FGD4: variants seen among roughly 807,000 people sequenced by gnomAD.
FGD4 encodes FYVE, RhoGEF and PH domain-containing protein 4.
A neutral mutation model predicts 102.0 loss-of-function variants in FGD4; 42 were observed. The ratio of observed to expected loss-of-function variants is 0.41; its 90% CI spans 0.32 to 0.53. FGD4 has a LOEUF of 0.53. Among genes scored for constraint, FGD4 ranks in the 20% least tolerant of loss-of-function variants. The probability of loss-of-function intolerance (pLI) is 0.21; values close to 1 mark genes in which losing one functional copy is unlikely to be tolerated. For synonymous variants in FGD4, 380 were observed against 375.7 expected, an observed-to-expected ratio of 1.01 and a Z score of -0.13; for missense variants, 902 against 1,078.2, an observed-to-expected ratio of 0.84 and a Z score of 2.29.
intron 1 of FGD4, among the ~76,000 whole-genome samples, chr12:32,508,937 C>G (rs543252014): frequency 6.6e-6 from 1 of 152,386 alleles, no homozygotes; most frequent in South Asian, 2.1e-4. Context: ...CTATCACACA[C>G]AGCTGTTTTC....
chr12:32,493,976 A>G (rs1937629219), intron 1 of FGD4, among the ~76,000 whole-genome samples: 1 of 152,224 alleles, frequency 6.6e-6, no homozygotes, highest in South Asian at 2.1e-4. Flanking sequence ...CTGGAAGAAA[A>G]TGTCTTAGGT....
intron 1 of FGD4, among the ~76,000 whole-genome samples, chr12:32,433,896 G>C (rs189934800): frequency 6.6e-6 from 1 of 150,994 alleles, no homozygotes; most frequent in African/African-American, 2.4e-5. Flanking sequence ...TTGCTCTGTC[G>C]CCAGGCTGGA....
intron 1 of FGD4, among the ~76,000 whole-genome samples, chr12:32,417,380 G>A (rs981751916): frequency 2.6e-5 from 4 of 151,828 alleles, no homozygotes; most frequent in African/African-American, 9.7e-5. Context: ...TTTTAAATAT[G>A]TCATGCCTGT....
chr12:32,590,201 A>T (rs529609200), intron 4 of FGD4, among the ~76,000 whole-genome samples: 5 of 150,694 alleles, frequency 3.3e-5, no homozygotes, highest in Non-Finnish European at 7.4e-5. Flanking sequence ...CCAGCTACTC[A>T]GTGGGTGCTG....
At chr12:32,578,282 A>C (rs1946296393) in intron 3 of FGD4, among the ~76,000 whole-genome samples, 1 of 152,228 alleles carries the variant, frequency 6.6e-6, no homozygotes, top group Non-Finnish European at 1.5e-5. Context: ...TTACCACTAC[A>C]GACTGGCCAC....
chr12:32,576,975 A>G (rs2136381524), intron 3 of FGD4, among the ~76,000 whole-genome samples: 1 of 152,096 alleles, frequency 6.6e-6, no homozygotes, highest in East Asian at 1.9e-4. Context: ...ACTCCATCAT[A>G]TGCTAGGTTT....
chr12:32,479,578 G>A (rs575540524), intron 1 of FGD4, among the ~76,000 whole-genome samples: 1 of 149,172 alleles, frequency 6.7e-6, no homozygotes, highest in Admixed American at 6.6e-5. Context: ...AATTAGCCTA[G>A]CAGTGAGAGG....
intron 1 of FGD4, among the ~76,000 whole-genome samples, chr12:32,468,918 C>T (rs1400288143): frequency 5.9e-5 from 9 of 152,172 alleles, no homozygotes; most frequent in South Asian, 2.1e-4. Context: ...CCTCCGCCTC[C>T]GAGTTCAAGC....
At chr12:32,423,577 G>A (rs371471788) in intron 1 of FGD4, among the ~76,000 whole-genome samples, 26 of 136,876 alleles carry the variant, frequency 1.9e-4, no homozygotes, top group African/African-American at 5.5e-4. Context: ...GGGCAACAGA[G>A]TGAGACTTCA....
intron 2 of FGD4, among the ~76,000 whole-genome samples, chr12:32,571,703 G>A (rs1321639944): frequency 6.6e-6 from 1 of 152,126 alleles, no homozygotes; most frequent in Non-Finnish European, 1.5e-5. Context: ...TTAAAAAGTT[G>A]ATGACTGAGG....
Position 32,399,967 on chromosome 12 carries a change from C to T in FGD4, c.166+8C>T. The T allele has an allele frequency of 6.9e-7, 1 of 1,453,452 alleles. No homozygotes were observed. The highest frequency in any genetic ancestry group is 9.0e-7 in the Non-Finnish European group (1 of 1,109,110). 90.0% of individuals were successfully genotyped at this position (1,453,452 alleles called of 1,614,324 possible). On this transcript the variant is annotated splice_region_variant and intron_variant, in intron 1 of 16. Transcript: ENST00000534526. The stretch of plus-strand genomic sequence containing the variant: ...TGCCCTCAGGAGCCACAGGTAAGCG[C>T]CTCGGGGCGCGGGGGAAGGGTGGCC...
At chr12:32,594,077 T>C (rs1947685486) in intron 4 of FGD4, among the ~76,000 whole-genome samples, 1 of 152,156 alleles carries the variant, frequency 6.6e-6, no homozygotes, top group Non-Finnish European at 1.5e-5. Flanking sequence ...CATATCTTGA[T>C]TATGGTAGTG....
At chr12:32,403,787 G>T (rs1940798543) in intron 1 of FGD4, among the ~76,000 whole-genome samples, 1 of 151,918 alleles carries the variant, frequency 6.6e-6, no homozygotes, top group African/African-American at 2.4e-5. Context: ...AGTAGAGACG[G>T]GGTTTCACCT....
At chr12:32,572,200 A>G (rs973176667) in intron 2 of FGD4, among the ~76,000 whole-genome samples, 4 of 152,216 alleles carry the variant, frequency 2.6e-5, no homozygotes, top group Non-Finnish European at 4.4e-5. Context: ...CTCTAGATAT[A>G]TAATAAGGTT....
chr12:32,611,074 GTAT>G, intron 9 of FGD4, 60 bp from the exon 10 acceptor site: 2 of 1,590,250 alleles, frequency 1.3e-6, no homozygotes, highest in Non-Finnish European at 1.7e-6. Flanking sequence ...TAAGGTCATA[GTAT>G]TATTAAAGCT....
intron 11 of FGD4, among the ~76,000 whole-genome samples, chr12:32,622,194 G>A (rs1592441937): frequency 6.6e-6 from 1 of 152,224 alleles, no homozygotes; most frequent in East Asian, 1.9e-4. Context: ...CTCATCAGTA[G>A]TTCTGATCAT....
intron 1 of FGD4, among the ~76,000 whole-genome samples, chr12:32,554,263 T>G (rs1308066687): frequency 6.6e-6 from 1 of 152,234 alleles, no homozygotes; most frequent in Admixed American, 6.5e-5. Flanking sequence ...TAACTTTTTT[T>G]TTGTTTGTTT....
chr12:32,408,098 C>T (rs1941023974), intron 1 of FGD4, among the ~76,000 whole-genome samples: 1 of 151,524 alleles, frequency 6.6e-6, no homozygotes, highest in Admixed American at 6.6e-5. Flanking sequence ...CTCCCAGGTT[C>T]AAACGATTCC....
At chr12:32,624,529 A>G in intron 12 of FGD4, 77 bp downstream of exon 12, 1 of 1,237,372 alleles carries the variant, frequency 8.1e-7, no homozygotes, top group Non-Finnish European at 1.2e-6. Context: ...TCTGGAGTGC[A>G]GTGGTGTGAT....
Sources: gnomAD v4.1 joint callset for allele counts (sites outside exome capture counted in the v4.1 genomes callset) on GRCh38, gnomAD v4.1.1 for gene constraint, MANE v1.5 for transcripts, NCBI Gene and HGNC (gene_info 2026-07-23, HGNC 2026-07-21) for gene names.